GRK5: variants seen among roughly 807,000 people sequenced by gnomAD.
The protein encoded by GRK5 is G protein-coupled receptor kinase 5.
In GRK5, 40 loss-of-function variants were observed where a neutral mutation model predicts 78.4. The observed-to-expected ratio is 0.51, with a 90% confidence interval of 0.40 to 0.66. GRK5 has a LOEUF of 0.66. Ranked by LOEUF, GRK5 falls within the 30% of genes least tolerant of loss-of-function variation. The pLI is 0.00. For missense variants in GRK5, 598 were observed against 759.9 expected (o/e 0.79, Z 2.50); for synonymous variants, 289 against 296.8 (o/e 0.97, Z 0.27).
At chr10:119,359,133 C>T (rs1219482037) in intron 2 of GRK5, among the ~76,000 whole-genome samples, 2 of 152,150 alleles carry the variant, frequency 1.3e-5, no homozygotes, top group Non-Finnish European at 2.9e-5. Context: ...TAGGTCACAC[C>T]AGGGGGGTTG....
chr10:119,433,861 T>C (rs1852869004), intron 8 of GRK5, among the ~76,000 whole-genome samples: 1 of 152,146 alleles, frequency 6.6e-6, no homozygotes, highest in Non-Finnish European at 1.5e-5. Context: ...AGTGGACCAG[T>C]GTATTAGTCC....
chr10:119,410,738 AGTCTT>A (rs915842563), intron 4 of GRK5, among the ~76,000 whole-genome samples: 17 of 152,142 alleles, frequency 1.1e-4, no homozygotes, highest in Middle Eastern at 3.4e-3. Context: ...CCAGAGCTCT[AGTCTT>A]GGAAGAGTTC....
At chr10:119,361,862 G>A (rs191161475) in intron 2 of GRK5, among the ~76,000 whole-genome samples, 3 of 151,790 alleles carry the variant, frequency 2.0e-5, no homozygotes, top group Admixed American at 6.6e-5. Context: ...TCGGGAGGCT[G>A]AGGCAGGAGA....
At chr10:119,216,813 G>A (rs1848582291) in intron 1 of GRK5, among the ~76,000 whole-genome samples, 2 of 152,168 alleles carry the variant, frequency 1.3e-5, no homozygotes, top group African/African-American at 2.4e-5. Context: ...TTACCTGGAT[G>A]TGGTGGTGGG....
intron 1 of GRK5, among the ~76,000 whole-genome samples, chr10:119,305,194 TCCCGTGGTCCTCCAAGGCTGTGGGAA>T (rs1250363174): frequency 3.9e-5 from 6 of 151,954 alleles, no homozygotes; most frequent in African/African-American, 1.5e-4. Context: ...AGCTCCAGAG[TCCCGTGGTCCTCCAAGGCTGTGGGAA>T]CCCGTGGTCC....
chr10:119,320,336 A>G (rs1850563404), intron 1 of GRK5, among the ~76,000 whole-genome samples: 1 of 152,382 alleles, frequency 6.6e-6, no homozygotes, highest in East Asian at 1.9e-4. Context: ...GATGACGGGC[A>G]AGGAAACAAA....
At chr10:119,366,806 C>T (rs1282910375) in intron 2 of GRK5, among the ~76,000 whole-genome samples, 4 of 152,184 alleles carry the variant, frequency 2.6e-5, no homozygotes, top group Non-Finnish European at 4.4e-5. Context: ...CTCTCAGGGT[C>T]CCGAGTCTTT....
At chr10:119,230,656 C>T (rs1207908676) in intron 1 of GRK5, among the ~76,000 whole-genome samples, 1 of 151,690 alleles carries the variant, frequency 6.6e-6, no homozygotes, top group African/African-American at 2.4e-5. Context: ...ACAGCCAAAC[C>T]GTATCACCCC....
At chr10:119,304,155 G>A (rs1850233004) in intron 1 of GRK5, among the ~76,000 whole-genome samples, 1 of 152,142 alleles carries the variant, frequency 6.6e-6, no homozygotes, top group South Asian at 2.1e-4. Flanking sequence ...ATGACCAAGA[G>A]GCAGCTTTGA....
intron 2 of GRK5, among the ~76,000 whole-genome samples, chr10:119,356,991 CTT>C (rs1244147627): frequency 6.6e-6 from 1 of 152,206 alleles, no homozygotes; most frequent in East Asian, 1.9e-4. Flanking sequence ...CAGGGAATGT[CTT>C]TGCCCACCAA....
intron 3 of GRK5, among the ~76,000 whole-genome samples, chr10:119,396,430 C>T (rs944018794): frequency 2.6e-5 from 4 of 152,212 alleles, no homozygotes; most frequent in African/African-American, 7.2e-5. Context: ...TCAGTGTTTG[C>T]TCAGGGCTCC....
chr10:119,452,792 T>C lies in GRK5; in HGVS notation c.1526T>C (p.Ile509Thr). 1 of 1,361,434 alleles carries C rather than the reference T, an allele frequency of 7.3e-7. No individual in the cohort carries two copies. Among genetic ancestry groups the C allele is most frequent in the East Asian group, 4.7e-5 (1 of 21,352 alleles). 84.3% of individuals were successfully genotyped at this position (1,361,434 alleles called of 1,614,324 possible). A position where few individuals can be genotyped will look rare whatever the true frequency, so the allele number is the denominator to read the frequency against. ...AAGTTCTCCACGGGCTCTGTGTCCA[T>C]CCCATGGCAAAACGAGGTGAGCAGG... ...YSKFSTGSVS[I>T]PWQNEMIETE... Residue 509 changes from isoleucine (I) to threonine (T), a missense_variant, in exon 14 of 16, where the codon ATC becomes ACC. Transcript: ENST00000392870. The surrounding 1 kb of genome is among the most constrained non-coding windows in gnomAD (Gnocchi z 4.4).
chr10:119,221,416 G>T (rs1848655111), intron 1 of GRK5, among the ~76,000 whole-genome samples: 1 of 152,174 alleles, frequency 6.6e-6, no homozygotes, highest in Admixed American at 6.5e-5. Flanking sequence ...AGTTTCCCAT[G>T]AAATGGATGG....
intron 1 of GRK5, among the ~76,000 whole-genome samples, chr10:119,279,135 C>G (rs980927840): frequency 9.9e-5 from 15 of 152,238 alleles, no homozygotes; most frequent in African/African-American, 3.6e-4. Flanking sequence ...CCGCCTTGGC[C>G]TCCCAAAGTG....
In GRK5 at chr10:119,290,045, C is replaced by T. The variant is rs74230540; in HGVS notation, c.53-36471C>T. ...AAGGACCCCAGTTGCTGAACAGCTC[C>T]TGGAAGACTATCTGTTCCCGGCTGG... is the stretch of plus-strand genomic sequence containing the variant. On this transcript the variant is annotated intron_variant, in intron 1 of 15. Transcript: ENST00000392870. Among the ~76,000 whole-genome samples, 133 of 152,246 alleles carry T rather than the reference C, an allele frequency of 8.7e-4. 1 individual carries two copies. In the East Asian group the frequency reaches 0.024, roughly 28 times the overall value.
Position 119,231,357 on chromosome 10 carries a change from A to T in GRK5, c.52+23388A>T, listed in dbSNP as rs547500271. ...TACCCCAATAACTTATAGAAAAATT[A>T]AAAAATTAAAAAACATCTAAACATA... On this transcript the variant is annotated intron_variant, in intron 1 of 15. Coordinates refer to ENST00000392870, the MANE Select transcript of GRK5 (RefSeq NM_005308.3). Among the ~76,000 whole-genome samples, 11 of 152,232 alleles carry T rather than the reference A, an allele frequency of 7.2e-5. No homozygotes were observed. The East Asian group carries it at 2.1e-3, about 29-fold the overall frequency.
chr10:119,333,374 TG>T, intron 2 of GRK5: 1 of 185,350 alleles, frequency 5.4e-6, no homozygotes, highest in Non-Finnish European at 1.1e-5. Context: ...GAGGGGAAGC[TG>T]GTGGCTCCTG....
At chr10:119,324,840 T>G (rs1350722253) in intron 1 of GRK5, among the ~76,000 whole-genome samples, 1 of 152,228 alleles carries the variant, frequency 6.6e-6, no homozygotes, top group Non-Finnish European at 1.5e-5. Context: ...AGAGTCATTC[T>G]GAGGATTAAA....
intron 4 of GRK5, among the ~76,000 whole-genome samples, chr10:119,398,054 C>T (rs1246983082): frequency 6.6e-6 from 1 of 152,228 alleles, no homozygotes; most frequent in African/African-American, 2.4e-5. Flanking sequence ...TTGCTCTGGA[C>T]AAGGTGTGGC....
Sources: allele counts gnomAD v4.1 joint callset (sites outside exome capture counted in the v4.1 genomes callset), GRCh38; gene constraint gnomAD v4.1.1; non-coding constraint Gnocchi (gnomAD v3.1); transcripts MANE v1.5; gene names NCBI Gene and HGNC (gene_info 2026-07-23, HGNC 2026-07-21).